The following LNX1 variants were observed in gnomAD, a reference collection of about 807,000 sequenced individuals.
LNX1 encodes the protein ligand of numb-protein X 1, also known as E3 ubiquitin-protein ligase LNX.
Under a neutral mutation model 68.4 loss-of-function variants are expected in LNX1, and 54 were observed. The observed-to-expected ratio is 0.79, with a 90% CI of 0.63 to 0.99. The LOEUF is 0.99. Ranked by LOEUF, LNX1 falls within the 50% of genes least tolerant of loss-of-function variation. LNX1 has a pLI of 0.00. For synonymous variants in LNX1, 336 were observed against 350.0 expected (o/e 0.96, Z 0.45); for missense variants, 906 against 926.4 (o/e 0.98, Z 0.29).
chr4:53,467,542 C>T (rs1053378125), intron 9 of LNX1, among the ~76,000 whole-genome samples: 9 of 152,010 alleles, frequency 5.9e-5, no homozygotes, highest in East Asian at 1.9e-4. Flanking sequence ...CACACTACTA[C>T]GAGCTAAAGG....
chr4:53,550,706 C>A (rs1278979914), intron 2 of LNX1, among the ~76,000 whole-genome samples: 3 of 150,710 alleles, frequency 2.0e-5, no homozygotes, highest in African/African-American at 7.3e-5. Context: ...GTGTGGATCT[C>A]CATTAGTATA....
Position 53,573,971 on chromosome 4 carries a change from T to TGAA in LNX1, c.31_32insTTC (p.Glu11delinsValGln), listed in dbSNP as rs1560675534. 7 of 1,613,208 alleles carry TGAA rather than the reference T, an allele frequency of 4.3e-6. No homozygotes were observed. The highest frequency in any genetic ancestry group is 5.9e-6 in the Non-Finnish European group (7 of 1,179,480). ...TTGGCCACACACTGCACACAGGGGT[T>TGAA]CAGGATCGTTGGCAGACTCTGGCTG... On this transcript the variant is annotated protein_altering_variant, in exon 2 of 11. Coordinates refer to ENST00000263925, the MANE Select transcript of LNX1 (RefSeq NM_001126328.3).
chr4:53,626,226 C>G (rs1450471507), intron 1 of LNX1, among the ~76,000 whole-genome samples: 5 of 152,094 alleles, frequency 3.3e-5, no homozygotes, highest in Admixed American at 3.3e-4. Flanking sequence ...TTTTCAAGGA[C>G]TGAGCAGAGG....
At chr4:53,494,822 G>C (rs1724934567) in intron 6 of LNX1, among the ~76,000 whole-genome samples, 1 of 152,130 alleles carries the variant, frequency 6.6e-6, no homozygotes, top group African/African-American at 2.4e-5. Flanking sequence ...ATTCTTCCAA[G>C]AATAAAGCTC....
intron 2 of LNX1, among the ~76,000 whole-genome samples, chr4:53,608,707 A>G (rs1733328121): frequency 6.6e-6 from 1 of 152,146 alleles, no homozygotes; most frequent in Non-Finnish European, 1.5e-5. Flanking sequence ...CAAGGAAACA[A>G]CCTAAATGCC....
chr4:53,610,315 G>T (rs1321238951), intron 2 of LNX1, among the ~76,000 whole-genome samples: 1 of 152,024 alleles, frequency 6.6e-6, no homozygotes, highest in African/African-American at 2.4e-5. Context: ...AAAATAATTG[G>T]TTCCAAAAGT....
At chr4:53,496,768 G>A (rs1725095098) in intron 5 of LNX1, among the ~76,000 whole-genome samples, 1 of 152,202 alleles carries the variant, frequency 6.6e-6, no homozygotes, top group South Asian at 2.1e-4. Flanking sequence ...ATTTGCCTCA[G>A]TCAAATGATT....
At chr4:53,632,599 G>A (rs1734320278) in intron 1 of LNX1, among the ~76,000 whole-genome samples, 1 of 152,200 alleles carries the variant, frequency 6.6e-6, no homozygotes, top group Non-Finnish European at 1.5e-5. Context: ...AGTTGAGGCT[G>A]TATCTTTGCT....
intron 6 of LNX1, 73 bp downstream of exon 6, chr4:53,495,950 G>T: frequency 6.5e-7 from 1 of 1,534,640 alleles, no homozygotes. Context: ...CAGGGTGCCT[G>T]GTTCAGGGGG....
At chr4:53,571,252 T>G (rs189860464) in intron 2 of LNX1, among the ~76,000 whole-genome samples, 5 of 152,004 alleles carry the variant, frequency 3.3e-5, no homozygotes, top group Non-Finnish European at 7.4e-5. Flanking sequence ...ACTCCTGATC[T>G]CAAGTGATCT....
intron 1 of LNX1, among the ~76,000 whole-genome samples, chr4:53,583,416 G>A (rs1247689528): frequency 1.3e-5 from 2 of 152,152 alleles, no homozygotes; most frequent in Non-Finnish European, 2.9e-5. Context: ...GTGCTTACAG[G>A]CTGCCGCCAA....
At chr4:53,560,674 C>G (rs1255294797) in intron 2 of LNX1, among the ~76,000 whole-genome samples, 3 of 152,214 alleles carry the variant, frequency 2.0e-5, no homozygotes, top group African/African-American at 7.2e-5. Context: ...AACACTGAAG[C>G]ATGCAGCCAT....
chr4:53,591,272 C>A, intron 1 of LNX1, 116 bp downstream of exon 1: 1 of 555,158 alleles, frequency 1.8e-6, no homozygotes, highest in Non-Finnish European at 2.3e-6. Context: ...CCCTCTGGGG[C>A]AAACACTAGC....
At chr4:53,490,912 C>T (rs1278149185) in intron 6 of LNX1, among the ~76,000 whole-genome samples, 1 of 152,078 alleles carries the variant, frequency 6.6e-6, no homozygotes. Context: ...ACTAGCTTTG[C>T]TCCCATTTTT....
intron 2 of LNX1, among the ~76,000 whole-genome samples, chr4:53,543,784 C>A (rs532493031): frequency 1.3e-5 from 2 of 152,054 alleles, no homozygotes; most frequent in Non-Finnish European, 2.9e-5. Flanking sequence ...ACCCTGTCAA[C>A]CATGCCAAGA....
intron 9 of LNX1, among the ~76,000 whole-genome samples, chr4:53,467,490 A>G (rs572990412): frequency 6.6e-6 from 1 of 152,220 alleles, no homozygotes; most frequent in Non-Finnish European, 1.5e-5. Flanking sequence ...AGCTGAACAG[A>G]GAATGACTTC....
Position 53,460,275 on chromosome 4 carries a change from AAAAAC to A in LNX1, c.*627_*631del, listed in dbSNP as rs1264064789. 2.1e-5 allele frequency: 4 copies of A among 191,730 alleles called. No individual in the cohort carries two copies. The highest frequency in any genetic ancestry group is 4.4e-5 in the Non-Finnish European group (4 of 91,670). The allele number at this position is 191,730 out of a possible 1,614,324, so 11.9% of individuals were successfully genotyped here. ...AAAAGAGCTTTAGCCATTTCTTACT[AAAAAC>A]AAAACAAGTTTATAATTAATTCTCT... is the stretch of plus-strand genomic sequence containing the variant. On this transcript the variant is annotated 3_prime_UTR_variant, in exon 11 of 11. Transcript: ENST00000263925.
In LNX1 at chr4:53,496,383, C is replaced by G; in HGVS notation, c.990G>C (p.Met330Ile). The G allele has an allele frequency of 5.0e-6, 8 of 1,605,972 alleles. No homozygotes were observed. The highest frequency in any genetic ancestry group is 6.0e-6 in the Non-Finnish European group (7 of 1,174,490). ...PGDIILKVNGMDISNVPHNYA... is the reference protein window; with the variant it reads ...PGDIILKVNGIDISNVPHNYA... Reference sequence around the variant, plus strand: ...AGTTGTGAGGGACATTGCTGATGTCCATCCCGTTGACCTGGGGGCAGGTGG... The same window carrying G: ...AGTTGTGAGGGACATTGCTGATGTCGATCCCGTTGACCTGGGGGCAGGTGG... The change falls in exon 6 of 11, where the codon ATG becomes ATC. Residue 330 changes from methionine (M) to isoleucine (I), a missense_variant. Met to Ile is a conservative substitution (Grantham distance 10, BLOSUM62 1). Transcript: ENST00000263925.
intron 2 of LNX1, among the ~76,000 whole-genome samples, chr4:53,546,727 C>T (rs1286504972): frequency 6.6e-6 from 1 of 152,178 alleles, no homozygotes; most frequent in Admixed American, 6.5e-5. Flanking sequence ...TGGATTCAGT[C>T]TTCCTCTTCA....
Sources: gnomAD v4.1 joint callset for allele counts (sites outside exome capture counted in the v4.1 genomes callset) on GRCh38, gnomAD v4.1.1 for gene constraint, MANE v1.5 for transcripts, NCBI Gene and HGNC (gene_info 2026-07-23, HGNC 2026-07-21) for gene names.